RNF125: variants seen among roughly 807,000 people sequenced by gnomAD.
RNF125 encodes the protein E3 ubiquitin-protein ligase RNF125.
RNF125 carries 21 observed loss-of-function variants against 26.0 expected under a neutral mutation model. The ratio of observed to expected loss-of-function variants is 0.81; its 90% CI spans 0.57 to 1.16. RNF125 has a LOEUF of 1.16. Ranked by LOEUF, RNF125 falls within the 50% of genes most tolerant of loss-of-function variation. The probability of loss-of-function intolerance (pLI) is 0.00; values close to 1 mark genes in which losing one functional copy is unlikely to be tolerated. For missense variants in RNF125, 270 were observed against 299.4 expected (o/e 0.90, Z 0.72); for synonymous variants, 95 against 109.2 (o/e 0.87, Z 0.81).
downstream of RNF125, among the ~76,000 whole-genome samples, chr18:32,075,296 G>A (rs942684703): frequency 3.9e-5 from 6 of 152,260 alleles, no homozygotes; most frequent in South Asian, 8.3e-4. Context: ...GGTGGCTCAC[G>A]CCTGTAATCC....
rs1369686289 is a variant in RNF125 at position 32,018,862 on chromosome 18, C to A, written c.-2C>A. 3.2e-6 allele frequency: 5 copies of A among 1,569,660 alleles called. No homozygotes were observed. The highest frequency in any genetic ancestry group is 2.7e-5 in the African/African-American group (2 of 73,524). On this transcript the variant is annotated 5_prime_UTR_variant, in exon 1 of 6. Transcript: ENST00000217740. ...GCAGCTGTCTGGGCGAGAGGCACAG[C>A]GATGGGCTCCGTGCTGAGCACCGAC...
intron 1 of RNF125, among the ~76,000 whole-genome samples, chr18:32,029,108 C>T (rs1216092265): frequency 6.6e-6 from 1 of 152,136 alleles, no homozygotes; most frequent in Non-Finnish European, 1.5e-5. Flanking sequence ...TCTAAGATGT[C>T]TCATATAGCC....
chr18:32,054,031 A>C (rs1004680859), intron 4 of RNF125, among the ~76,000 whole-genome samples: 2 of 150,170 alleles, frequency 1.3e-5, no homozygotes, highest in African/African-American at 4.9e-5. Flanking sequence ...AGATGCTCTC[A>C]CCTATGATCC....
At chr18:32,086,892 TC>T in the RNF125 span, among the ~76,000 whole-genome samples, 397 of 152,192 alleles carry the variant, frequency 2.6e-3, 1 homozygote, top group Middle Eastern at 0.017. Flanking sequence ...CCTCAAGCTA[TC>T]CTTGTACCTC....
At position 32,042,209 on chromosome 18, in the gene RNF125, C is replaced by T. The variant is rs1209260149; in HGVS notation, c.349C>T (p.Arg117Trp). 5 of 1,613,276 alleles carry T rather than the reference C, an allele frequency of 3.1e-6. No homozygotes were observed. Among genetic ancestry groups the T allele is most frequent in the African/African-American group, 2.7e-5 (2 of 74,830 alleles). ...CCTCAGTGAAATGAGGGCACATATT[C>T]GGACTTGTCAGAAGTACATAGATAA... ...VCLSEMRAHI[R>W]TCQKYIDKYG... is the part of the protein sequence containing the mutation. The change falls in exon 3 of 6, where the codon CGG (arginine) becomes TGG (tryptophan). Residue 117 changes from arginine to tryptophan, a missense_variant. By Grantham distance (101) the Arg-to-Trp change is moderately radical. Transcript: ENST00000217740.
intron 4 of RNF125, among the ~76,000 whole-genome samples, chr18:32,056,210 G>A (rs1184321024): frequency 3.3e-5 from 5 of 151,864 alleles, no homozygotes; most frequent in East Asian, 1.9e-4. Context: ...GAGAGATTTC[G>A]TAGACTTTCT....
the RNF125 span, among the ~76,000 whole-genome samples, chr18:32,081,713 C>G: frequency 0.072 from 10,973 of 152,102 alleles, 621 homozygotes; most frequent in East Asian, 0.24. Context: ...CCTATAAAAT[C>G]TATTATAATT....
intron 4 of RNF125, among the ~76,000 whole-genome samples, chr18:32,052,531 C>T (rs949239692): frequency 2.7e-5 from 4 of 150,810 alleles, no homozygotes; most frequent in Non-Finnish European, 4.4e-5. Flanking sequence ...AGTCTTGTAC[C>T]TTGATTTTAA....
chr18:32,090,140 G>T, the RNF125 span, among the ~76,000 whole-genome samples: 1 of 152,188 alleles, frequency 6.6e-6, no homozygotes, highest in Non-Finnish European at 1.5e-5. Flanking sequence ...CAGCTACTTG[G>T]GAGGCTGAGG....
chr18:32,068,619 CA>C lies in RNF125; in HGVS notation c.*236del, dbSNP rs1424914347. 6 of 406,984 alleles carry C rather than the reference CA, an allele frequency of 1.5e-5. No individual in the cohort carries two copies. Among genetic ancestry groups the C allele is most frequent in the Non-Finnish European group, 2.7e-5 (6 of 223,646 alleles). 25.2% of individuals were successfully genotyped at this position (406,984 alleles called of 1,614,324 possible). On this transcript the variant is annotated 3_prime_UTR_variant, in exon 6 of 6. Transcript: ENST00000217740. The stretch of plus-strand genomic sequence containing the variant: ...TAACAACAAAAAAAATTATCTACAT[CA>C]GTCATTGTTACATGGAAAAGACAGG...
downstream of RNF125, among the ~76,000 whole-genome samples, chr18:32,073,489 C>T (rs1405557613): frequency 6.6e-6 from 1 of 152,130 alleles, no homozygotes; most frequent in East Asian, 1.9e-4. Flanking sequence ...AAAGAATTAT[C>T]CTGCGCAAAA....
chr18:32,076,809 C>T (rs1173181803), downstream of RNF125, among the ~76,000 whole-genome samples: 1 of 152,140 alleles, frequency 6.6e-6, no homozygotes, highest in Non-Finnish European at 1.5e-5. Context: ...TCTATTCCTT[C>T]TGTTTGAAAA....
chr18:32,028,962 C>T (rs2039066624), intron 1 of RNF125, among the ~76,000 whole-genome samples: 1 of 152,006 alleles, frequency 6.6e-6, no homozygotes, highest in African/African-American at 2.4e-5. Flanking sequence ...AAAAGTATCC[C>T]ATAGTAAAGG....
intron 4 of RNF125, among the ~76,000 whole-genome samples, chr18:32,049,320 A>G (rs1465586678): frequency 2.0e-5 from 3 of 152,180 alleles, no homozygotes; most frequent in Non-Finnish European, 2.9e-5. Context: ...TAATCCCAGG[A>G]AGTCTATTAA....
rs531751585 is a variant in RNF125, at chr18:32,050,865, C to CTTTTTTTTTTTT, written c.504+5156_504+5167dup. On this transcript the variant is annotated intron_variant, in intron 4 of 5. Coordinates refer to ENST00000217740, the MANE Select transcript of RNF125 (RefSeq NM_017831.4). ...CCAGCTAGTCTCTCGGTCTAGAGTGCTTTTTTTTTTTTTTTTTTTTTTTTT... is the reference window on the plus strand; with the variant it reads ...CCAGCTAGTCTCTCGGTCTAGAGTGCTTTTTTTTTTTTTTTTTTTTTTTTTTTTTTTTTTTTT... Among the ~76,000 whole-genome samples, 22 of 46,338 alleles carry CTTTTTTTTTTTT rather than the reference C, an allele frequency of 4.7e-4. 4 individuals are homozygous for CTTTTTTTTTTTT. Among genetic ancestry groups the CTTTTTTTTTTTT allele is most frequent in the Non-Finnish European group, 6.2e-4 (16 of 25,612 alleles). 30.4% of individuals were successfully genotyped at this position (46,338 alleles called of 152,430 possible).
rs985304462 is a variant in RNF125 at position 32,048,792 on chromosome 18, G to T, written c.504+3060G>T. Among the ~76,000 whole-genome samples the T allele has an allele frequency of 5.8e-4, 89 of 152,194 alleles. 1 individual carries two copies. The highest frequency in any genetic ancestry group is 2.1e-3 in the African/African-American group (88 of 41,442). On this transcript the variant is annotated intron_variant, in intron 4 of 5. Transcript: ENST00000217740. Reference sequence around the variant, plus strand: ...GAGCCGATGGTCACGGGCTTTTCCTGCTCAAGTTGCTCTGTAGGAGGAACT... The same window carrying T: ...GAGCCGATGGTCACGGGCTTTTCCTTCTCAAGTTGCTCTGTAGGAGGAACT...
At chr18:32,036,307 C>G (rs1317940100) in intron 1 of RNF125, among the ~76,000 whole-genome samples, 1 of 151,640 alleles carries the variant, frequency 6.6e-6, no homozygotes, top group African/African-American at 2.4e-5. Flanking sequence ...GTACAGTATA[C>G]TTAAAATTTA....
chr18:32,068,257 T>G (rs751409311), intron 5 of RNF125, 41 bp from the exon 6 acceptor site: 1 of 1,118,990 alleles, frequency 8.9e-7, no homozygotes, highest in Non-Finnish European at 1.4e-6. Flanking sequence ...TCTGAAATAC[T>G]ATTGACTCTG....
At position 32,065,925 on chromosome 18, in the gene RNF125, AC is replaced by A; in HGVS notation, c.531del (p.Asp178MetfsTer11). 6.2e-7 allele frequency: 1 copy of A among 1,613,424 alleles called. No homozygotes were observed. The highest frequency in any genetic ancestry group is 8.5e-7 in the Non-Finnish European group (1 of 1,179,364). On this transcript the variant is annotated frameshift_variant, in exon 5 of 6. Transcript: ENST00000217740. LOFTEE classifies it high-confidence loss of function. ...PVFCPLCRLI[P>X]DENPSSFSGS... ...AGTTCTGTCCACTTTGCCGTTTAAT[AC>A]CCGATGAGAATCCAAGCAGCTTCAG...
Sources: gnomAD v4.1 joint callset for allele counts (sites outside exome capture counted in the v4.1 genomes callset) on GRCh38, gnomAD v4.1.1 for gene constraint, MANE v1.5 for transcripts, NCBI Gene and HGNC (gene_info 2026-07-23, HGNC 2026-07-21) for gene names.